CHST11: variants seen among roughly 807,000 people sequenced by gnomAD.
CHST11 encodes the protein carbohydrate sulfotransferase 11.
A neutral mutation model predicts 30.4 loss-of-function variants in CHST11; 9 were observed. The ratio of observed to expected loss-of-function variants is 0.30; its 90% CI spans 0.18 to 0.52. CHST11 has a LOEUF of 0.52. Among genes scored for constraint, CHST11 ranks in the 20% least tolerant of loss-of-function variants. CHST11 has a pLI of 0.97. For synonymous variants in CHST11, 152 were observed against 187.8 expected (o/e 0.81, Z 1.56); for missense variants, 348 against 460.6 (o/e 0.76, Z 2.24).
chr12:104,660,713 G>T (rs563193972), intron 2 of CHST11, among the ~76,000 whole-genome samples: 3 of 152,066 alleles, frequency 2.0e-5, no homozygotes, highest in Non-Finnish European at 4.4e-5. Flanking sequence ...AAGAAAATCC[G>T]AAACCCAGCT....
intron 2 of CHST11, among the ~76,000 whole-genome samples, chr12:104,748,813 C>T (rs189095442): frequency 1.6e-4 from 24 of 152,196 alleles, no homozygotes; most frequent in African/African-American, 5.8e-4. Flanking sequence ...TGCAGGTTCT[C>T]AGGCCTGTCA....
chr12:104,575,489 G>A (rs150910496), intron 1 of CHST11, among the ~76,000 whole-genome samples: 105 of 152,308 alleles, frequency 6.9e-4, no homozygotes, highest in Non-Finnish European at 1.2e-3. Context: ...TGCCAGGAAG[G>A]CCTCTGCGAG....
At chr12:104,488,533 A>T (rs904092698) in intron 1 of CHST11, among the ~76,000 whole-genome samples, 2 of 134,320 alleles carry the variant, frequency 1.5e-5, no homozygotes, top group South Asian at 2.4e-4. Context: ...CTGTGTGTAT[A>T]TGTGTGTATG....
rs148534546 is a variant in CHST11 at position 104,684,575 on chromosome 12, TCTCA to T, written c.205-72370_205-72367del. Among the ~76,000 whole-genome samples the T allele has an allele frequency of 4.0e-3, 615 of 152,234 alleles. 3 individuals are homozygous for T. Among genetic ancestry groups the T allele is most frequent in the Non-Finnish European group, 6.9e-3 (471 of 68,020 alleles). ...TGGTTTGGTTTTGTTAGAGACGGAG[TCTCA>T]CTCTGTTACCCAGGCTGGAGTGCAG... is the stretch of plus-strand genomic sequence containing the variant. On this transcript the variant is annotated intron_variant, in intron 2 of 2. Coordinates refer to ENST00000303694, the MANE Select transcript of CHST11 (RefSeq NM_018413.6).
chr12:104,612,958 A>C (rs1034014500), intron 2 of CHST11, among the ~76,000 whole-genome samples: 1 of 152,204 alleles, frequency 6.6e-6, no homozygotes, highest in Non-Finnish European at 1.5e-5. Context: ...GCGGTGGCTC[A>C]TGCCTGTAAT....
At chr12:104,549,830 C>T (rs2038388260) in intron 1 of CHST11, among the ~76,000 whole-genome samples, 1 of 152,112 alleles carries the variant, frequency 6.6e-6, no homozygotes, top group Non-Finnish European at 1.5e-5. Context: ...TCTCTTGAGC[C>T]TGGGAGGTGG....
chr12:104,503,726 C>T (rs550106196), intron 1 of CHST11, among the ~76,000 whole-genome samples: 1 of 152,230 alleles, frequency 6.6e-6, no homozygotes, highest in Non-Finnish European at 1.5e-5. Flanking sequence ...TCCTGATCTT[C>T]CTGGGAGTTC....
At chr12:104,482,784 C>T (rs2037639233) in intron 1 of CHST11, among the ~76,000 whole-genome samples, 1 of 152,130 alleles carries the variant, frequency 6.6e-6, no homozygotes, top group Non-Finnish European at 1.5e-5. Flanking sequence ...CAGATTTCAA[C>T]TCGGTCCCAA....
At chr12:104,482,626 TG>T (rs1403728214) in intron 1 of CHST11, among the ~76,000 whole-genome samples, 1 of 152,062 alleles carries the variant, frequency 6.6e-6, no homozygotes, top group Non-Finnish European at 1.5e-5. Context: ...TAGGAGTTGT[TG>T]TAATAAGAGC....
intron 1 of CHST11, among the ~76,000 whole-genome samples, chr12:104,501,471 G>A (rs1215842173): frequency 6.6e-6 from 1 of 152,214 alleles, no homozygotes; most frequent in African/African-American, 2.4e-5. Flanking sequence ...CTTAGGAAAT[G>A]TGGCCTAGCA....
At chr12:104,556,595 C>G (rs2038457623) in intron 1 of CHST11, among the ~76,000 whole-genome samples, 1 of 152,198 alleles carries the variant, frequency 6.6e-6, no homozygotes, top group African/African-American at 2.4e-5. Flanking sequence ...ACACGTCTCT[C>G]CAGGCTCTGC....
At position 104,476,149 on chromosome 12, in the gene CHST11, T is replaced by A. The variant is rs144462334; in HGVS notation, c.118+18620T>A. On this transcript the variant is annotated intron_variant, in intron 1 of 2. Coordinates refer to ENST00000303694, the MANE Select transcript of CHST11 (RefSeq NM_018413.6). ...TAATATAATATATTATATATTATAATAAATATATAAATAAATAGAATTATA... is the reference window on the plus strand; with the variant it reads ...TAATATAATATATTATATATTATAAAAAATATATAAATAAATAGAATTATA... 3.1e-3 allele frequency among the ~76,000 whole-genome samples: 428 copies of A among 138,562 alleles called. 3 individuals carry two copies. Among genetic ancestry groups the A allele is most frequent in the African/African-American group, 0.011 (405 of 37,798 alleles). The allele number at this position is 138,562 out of a possible 152,430, so 90.9% of individuals were successfully genotyped here.
intron 2 of CHST11, among the ~76,000 whole-genome samples, chr12:104,606,641 G>A (rs1260545466): frequency 6.6e-6 from 1 of 152,066 alleles, no homozygotes; most frequent in African/African-American, 2.4e-5. Context: ...ATTTTTCCCG[G>A]GTGAAAACAT....
At chr12:104,547,648 A>G (rs1298183160) in intron 1 of CHST11, among the ~76,000 whole-genome samples, 1 of 152,140 alleles carries the variant, frequency 6.6e-6, no homozygotes, top group Admixed American at 6.5e-5. Flanking sequence ...ATCTCCGAGT[A>G]GTGTATCTGA....
chr12:104,586,276 G>T (rs890633486), intron 1 of CHST11, among the ~76,000 whole-genome samples: 1 of 152,202 alleles, frequency 6.6e-6, no homozygotes, highest in Non-Finnish European at 1.5e-5. Context: ...CTCAGGGTTT[G>T]CCCAGGTGCT....
intron 2 of CHST11, among the ~76,000 whole-genome samples, chr12:104,694,663 C>G (rs1268949802): frequency 2.0e-5 from 3 of 152,104 alleles, no homozygotes; most frequent in African/African-American, 7.2e-5. Context: ...TAAAGTGAAG[C>G]AGGAACGAGG....
At chr12:104,631,070 G>A (rs1056760327) in intron 2 of CHST11, among the ~76,000 whole-genome samples, 14 of 152,334 alleles carry the variant, frequency 9.2e-5, no homozygotes, top group African/African-American at 2.9e-4. Context: ...CGTTTTGCTG[G>A]AGAGGAGAGT....
chr12:104,564,437 T>C (rs1389083126), intron 1 of CHST11, among the ~76,000 whole-genome samples: 1 of 152,234 alleles, frequency 6.6e-6, no homozygotes, highest in Non-Finnish European at 1.5e-5. Context: ...ATCTCTAAAG[T>C]AGAGATCATA....
chr12:104,736,336 A>G (rs888674717), intron 2 of CHST11, among the ~76,000 whole-genome samples: 1 of 152,124 alleles, frequency 6.6e-6, no homozygotes, highest in African/African-American at 2.4e-5. Flanking sequence ...GAGAGAAGAG[A>G]AGAGAGAAGG....
Sources: gnomAD v4.1 joint callset for allele counts (sites outside exome capture counted in the v4.1 genomes callset) on GRCh38, gnomAD v4.1.1 for gene constraint, MANE v1.5 for transcripts, NCBI Gene and HGNC (gene_info 2026-07-23, HGNC 2026-07-21) for gene names.